The following KHDRBS2 variants were observed in gnomAD, a reference collection of about 807,000 sequenced individuals.
KHDRBS2 encodes KH RNA binding domain containing, signal transduction associated 2.
Under a neutral mutation model 44.3 loss-of-function variants are expected in KHDRBS2, and 26 were observed. The observed-to-expected ratio is 0.59, with a 90% confidence interval of 0.43 to 0.81. The LOEUF (loss-of-function observed/expected upper bound fraction) is 0.81. Among genes scored for constraint, KHDRBS2 ranks in the 40% least tolerant of loss-of-function variants. The probability of loss-of-function intolerance (pLI) is 0.00; values close to 1 mark genes in which losing one functional copy is unlikely to be tolerated. For missense variants in KHDRBS2, 476 were observed against 433.1 expected (o/e 1.10, Z -0.88); for synonymous variants, 194 against 151.1 (o/e 1.28, Z -2.08).
the KHDRBS2 span, among the ~76,000 whole-genome samples, chr6:61,549,695 T>A: frequency 6.6e-6 from 1 of 152,184 alleles, no homozygotes; most frequent in African/African-American, 2.4e-5. Context: ...CGATTGTGAA[T>A]ATTTTTCTTG....
chr6:61,674,906 T>G, the KHDRBS2 span, among the ~76,000 whole-genome samples: 1 of 151,764 alleles, frequency 6.6e-6, no homozygotes, highest in Non-Finnish European at 1.5e-5. Flanking sequence ...TAAAATTTTA[T>G]TTATTGTTAT....
chr6:61,968,263 G>A (rs900695127), intron 4 of KHDRBS2, among the ~76,000 whole-genome samples: 2 of 151,736 alleles, frequency 1.3e-5, no homozygotes, highest in African/African-American at 4.8e-5. Flanking sequence ...AATGTAAAAA[G>A]GCATCATCTT....
chr6:61,981,257 G>A (rs1441485616), intron 3 of KHDRBS2, among the ~76,000 whole-genome samples: 1 of 152,062 alleles, frequency 6.6e-6, no homozygotes, highest in South Asian at 2.1e-4. Flanking sequence ...CTAGAGTTTG[G>A]TTTTTCTCTG....
Position 61,894,850 on chromosome 6 carries a change from A to C in KHDRBS2, c.612-17T>G. ...CCACGGCCCCTAAGAGAAACAAGTCATGTATAGATGAGAAACAGGTGATGA... is the reference window on the plus strand; with the variant it reads ...CCACGGCCCCTAAGAGAAACAAGTCCTGTATAGATGAGAAACAGGTGATGA... On this transcript the variant is annotated splice_polypyrimidine_tract_variant and intron_variant, in intron 5 of 8. Transcript: ENST00000281156. 6.3e-7 allele frequency: 1 copy of C among 1,587,396 alleles called. No individual in the cohort carries two copies. Among genetic ancestry groups the C allele is most frequent in the Non-Finnish European group, 8.6e-7 (1 of 1,161,034 alleles).
chr6:62,240,769 T>G (rs1834536636), intron 1 of KHDRBS2, among the ~76,000 whole-genome samples: 1 of 144,898 alleles, frequency 6.9e-6, no homozygotes, highest in Non-Finnish European at 1.5e-5. Context: ...CCATGGAAAT[T>G]ATTCTAGTCT....
the KHDRBS2 span, among the ~76,000 whole-genome samples, chr6:61,635,246 AAGGTCT>A: frequency 6.6e-6 from 1 of 152,028 alleles, no homozygotes; most frequent in Non-Finnish European, 1.5e-5. Context: ...CAAAGAATAG[AAGGTCT>A]CTATGATTTC....
rs368426968 is a variant in KHDRBS2, at chr6:62,108,118, T to C, written c.220-60124A>G. 3.9e-5 allele frequency among the ~76,000 whole-genome samples: 6 copies of C among 152,002 alleles called. No individual in the cohort carries two copies. In the East Asian group the frequency reaches 1.2e-3, roughly 29 times the overall value. On this transcript the variant is annotated intron_variant, in intron 2 of 8. Coordinates refer to ENST00000281156, the MANE Select transcript of KHDRBS2 (RefSeq NM_152688.4). Reference sequence around the variant, plus strand: ...TGGGATCTAATTAAACTAAAGAGCTTCTGCACAGCAAAAGAAACTACCATC... The same window carrying C: ...TGGGATCTAATTAAACTAAAGAGCTCCTGCACAGCAAAAGAAACTACCATC...
chr6:61,918,964 G>A (rs186334467), intron 4 of KHDRBS2, among the ~76,000 whole-genome samples: 80 of 151,900 alleles, frequency 5.3e-4, no homozygotes, highest in Non-Finnish European at 9.1e-4. Context: ...GTGGCATTAC[G>A]GAAATCAGGT....
chr6:62,228,871 C>G (rs962878165), intron 1 of KHDRBS2, among the ~76,000 whole-genome samples: 1 of 152,096 alleles, frequency 6.6e-6, no homozygotes, highest in Non-Finnish European at 1.5e-5. Flanking sequence ...AAGAGGTGTG[C>G]CGCTCCTTCC....
At chr6:62,141,409 C>G (rs1220359847) in intron 2 of KHDRBS2, among the ~76,000 whole-genome samples, 2 of 152,100 alleles carry the variant, frequency 1.3e-5, no homozygotes, top group African/African-American at 2.4e-5. Flanking sequence ...AAATATAAAT[C>G]ATTTGGCCTT....
chr6:62,086,023 A>G (rs1288378194), intron 2 of KHDRBS2, among the ~76,000 whole-genome samples: 1 of 152,146 alleles, frequency 6.6e-6, no homozygotes, highest in East Asian at 1.9e-4. Flanking sequence ...AGAATCTGAA[A>G]GGGTGCTAAG....
intron 6 of KHDRBS2, among the ~76,000 whole-genome samples, chr6:61,791,695 T>C (rs1784661513): frequency 6.6e-6 from 1 of 151,520 alleles, no homozygotes; most frequent in Non-Finnish European, 1.5e-5. Context: ...TCATTACAAC[T>C]TATAGGTGTA....
At chr6:62,228,881 C>G (rs950523246) in intron 1 of KHDRBS2, among the ~76,000 whole-genome samples, 3 of 152,164 alleles carry the variant, frequency 2.0e-5, no homozygotes, top group African/African-American at 7.2e-5. Flanking sequence ...CCGCTCCTTC[C>G]TCTGGGATCT....
At chr6:62,255,201 T>A (rs1837165980) in intron 1 of KHDRBS2, among the ~76,000 whole-genome samples, 1 of 152,066 alleles carries the variant, frequency 6.6e-6, no homozygotes, top group South Asian at 2.1e-4. Flanking sequence ...AGAACACATT[T>A]TCTCATAGAA....
intron 6 of KHDRBS2, among the ~76,000 whole-genome samples, chr6:61,883,454 T>A (rs1373846776): frequency 6.6e-6 from 1 of 152,092 alleles, no homozygotes. Context: ...AAGACATTAG[T>A]CATCATGTTA....
intron 3 of KHDRBS2, among the ~76,000 whole-genome samples, chr6:62,025,195 A>G (rs2127284652): frequency 6.6e-6 from 1 of 151,908 alleles, no homozygotes; most frequent in Non-Finnish European, 1.5e-5. Flanking sequence ...CCAGCCAAAG[A>G]GACAGTCTGA....
intron 7 of KHDRBS2, among the ~76,000 whole-genome samples, chr6:61,714,122 A>G (rs1264138209): frequency 1.3e-5 from 2 of 151,994 alleles, no homozygotes; most frequent in Non-Finnish European, 2.9e-5. Context: ...GCAGAATGGG[A>G]GAAAATATTT....
intron 2 of KHDRBS2, among the ~76,000 whole-genome samples, chr6:62,121,769 G>A (rs907635301): frequency 6.6e-6 from 1 of 152,162 alleles, no homozygotes; most frequent in South Asian, 2.1e-4. Context: ...ATTGGATCTA[G>A]TGAGCAAGAA....
chr6:61,906,085 A>G (rs1804959400), intron 4 of KHDRBS2, among the ~76,000 whole-genome samples: 1 of 151,922 alleles, frequency 6.6e-6, no homozygotes, highest in African/African-American at 2.4e-5. Flanking sequence ...TGACCTGGTG[A>G]TCCACCCGCC....
Sources: allele counts gnomAD v4.1 joint callset (sites outside exome capture counted in the v4.1 genomes callset), GRCh38; gene constraint gnomAD v4.1.1; transcripts MANE v1.5; gene names NCBI Gene and HGNC (gene_info 2026-07-23, HGNC 2026-07-21).